The following IRX2 variants were observed in gnomAD, a reference collection of about 807,000 sequenced individuals.
IRX2 encodes the protein iroquois homeobox 2.
IRX2 carries 26 observed loss-of-function variants against 42.9 expected under a neutral mutation model. That is an observed-to-expected ratio of 0.61 (90% confidence interval 0.44 to 0.84). The LOEUF is 0.84. IRX2 is among the 40% of genes least tolerant of loss of function. The probability of loss-of-function intolerance (pLI) is 0.00; values close to 1 mark genes in which losing one functional copy is unlikely to be tolerated. For synonymous variants in IRX2, 424 were observed against 353.9 expected (o/e 1.20, Z -2.22); for missense variants, 782 against 713.9 (o/e 1.10, Z -1.09).
intron 2 of IRX2, 23 bp downstream of exon 2, chr5:2,749,359 T>A: frequency 6.4e-7 from 1 of 1,570,586 alleles, no homozygotes; most frequent in Non-Finnish European, 8.6e-7. Flanking sequence ...CCCGAGACCT[T>A]GCGCCGGCCG....
At chr5:2,742,628 T>C (rs1013285797), downstream of IRX2, among the ~76,000 whole-genome samples, 5 of 152,248 alleles carry the variant, frequency 3.3e-5, no homozygotes, top group African/African-American at 1.2e-4. Context: ...TATTTTAATT[T>C]TGAGTCTAAA....
intron 3 of IRX2, among the ~76,000 whole-genome samples, chr5:2,748,023 C>G (rs929132720): frequency 1.3e-5 from 2 of 152,224 alleles, no homozygotes; most frequent in African/African-American, 4.8e-5. Flanking sequence ...CACCGAAACA[C>G]ACCCAGGCTC....
downstream of IRX2, among the ~76,000 whole-genome samples, chr5:2,743,416 C>T (rs1737586047): frequency 6.6e-6 from 1 of 152,072 alleles, no homozygotes; most frequent in African/African-American, 2.4e-5. Flanking sequence ...TCGGCAGCCC[C>T]CGGCCCCCGG....
At chr5:2,742,634 CTAAA>C (rs1474076935), downstream of IRX2, among the ~76,000 whole-genome samples, 11 of 152,260 alleles carry the variant, frequency 7.2e-5, no homozygotes, top group South Asian at 1.7e-3. Flanking sequence ...AATTTTGAGT[CTAAA>C]TGAATGTTTT....
At chr5:2,742,252 G>T (rs1299994162), downstream of IRX2, among the ~76,000 whole-genome samples, 1 of 152,176 alleles carries the variant, frequency 6.6e-6, no homozygotes, top group Non-Finnish European at 1.5e-5. Context: ...GCATATTGTT[G>T]AAAACCAGAT....
chr5:2,737,657 A>C, the IRX2 span: 5 of 152,216 alleles, frequency 3.3e-5, no homozygotes, highest in African/African-American at 1.2e-4. Flanking sequence ...CAACTGTCCA[A>C]AGACAGGGCT....
At chr5:2,741,503 G>A (rs1428653658), downstream of IRX2, among the ~76,000 whole-genome samples, 1 of 152,152 alleles carries the variant, frequency 6.6e-6, no homozygotes, top group Non-Finnish European at 1.5e-5. Context: ...GTAGGGGTGA[G>A]TCTTGACTCT....
intron 3 of IRX2, 80 bp from the exon 4 acceptor site, chr5:2,747,696 C>A: frequency 7.1e-7 from 1 of 1,405,410 alleles, no homozygotes; most frequent in South Asian, 1.2e-5. Context: ...CCACCATCCT[C>A]CACTCCCAGG....
rs758150983 is a variant in IRX2, at chr5:2,747,583, C to T, written c.1397G>A (p.Gly466Asp). The change falls in exon 4 of 4, where the codon GGC becomes GAC. Residue 466 changes from glycine to aspartate, a missense_variant. Coordinates refer to ENST00000302057, the MANE Select transcript of IRX2 (RefSeq NM_033267.5). ...GCCCTTCTATAGGTAGGGCTGGACG[C>T]CCCCGCCAACCACGGTGCAGCCCTC... ...ASEGCTVVGG[G>D]VQPYL 1.2e-6 allele frequency: 2 copies of T among 1,613,996 alleles called. No homozygotes were observed. The highest frequency in any genetic ancestry group is 2.2e-5 in the East Asian group (1 of 44,882).
the IRX2 span, among the ~76,000 whole-genome samples, chr5:2,736,045 T>C: frequency 6.6e-6 from 1 of 152,176 alleles, no homozygotes; most frequent in Admixed American, 6.5e-5. Flanking sequence ...CTTGGCCTCC[T>C]CCCATCTGAA....
rs1372469897 is a variant in IRX2, at chr5:2,749,683, G to A, written c.354C>T (p.Arg118=). 2 of 1,614,200 alleles carry A rather than the reference G, an allele frequency of 1.2e-6. No homozygotes were observed. The highest frequency in any genetic ancestry group is 3.3e-5 in the Admixed American group (2 of 60,030). The change falls in exon 2 of 4, where the codon CGC becomes CGT. Residue 118 remains arginine, a synonymous_variant. Coordinates refer to ENST00000302057, the MANE Select transcript of IRX2 (RefSeq NM_033267.5). The part of the protein sequence containing the change: ...YPYQLNDPAY[R]KNATRDATAT... ...CCGTGGCGTCCCGCGTGGCGTTCTT[G>A]CGGTACGCGGGGTCGTTGAGCTGGT...
the IRX2 span, among the ~76,000 whole-genome samples, chr5:2,738,137 G>A: frequency 6.6e-6 from 1 of 152,224 alleles, no homozygotes; most frequent in African/African-American, 2.4e-5. Flanking sequence ...CTCCTGCAAA[G>A]TCTGTTTGTC....
chr5:2,750,582 G>A (rs1430959079), intron 1 of IRX2, among the ~76,000 whole-genome samples: 1 of 152,198 alleles, frequency 6.6e-6, no homozygotes, highest in Non-Finnish European at 1.5e-5. Context: ...GCGCCCGCAA[G>A]CACGATATTT....
At chr5:2,749,161 C>T in intron 2 of IRX2, 109 bp from the exon 3 acceptor site, 2 of 1,493,320 alleles carry the variant, frequency 1.3e-6, no homozygotes, top group Non-Finnish European at 1.8e-6. Context: ...GACCCCTCAC[C>T]TCGCCCCCAC....
At chr5:2,749,943 G>C (rs1269838884) in intron 1 of IRX2, among the ~76,000 whole-genome samples, 156 bp from the exon 2 acceptor site, 2 of 152,228 alleles carry the variant, frequency 1.3e-5, no homozygotes, top group African/African-American at 4.8e-5. Flanking sequence ...GAAAAACGCA[G>C]TGTGATTCGG....
chr5:2,750,376 G>A (rs1241304564), intron 1 of IRX2, among the ~76,000 whole-genome samples: 1 of 152,246 alleles, frequency 6.6e-6, no homozygotes, highest in Non-Finnish European at 1.5e-5. Context: ...CAGCGACTCG[G>A]TCGCTGCCCA....
chr5:2,747,669 C>T (rs1737723740), intron 3 of IRX2, 53 bp from the exon 4 acceptor site: 4 of 1,563,452 alleles, frequency 2.6e-6, no homozygotes, highest in South Asian at 2.2e-5. Context: ...CTGCTGGCTG[C>T]GCAGACCACC....
In IRX2 at chr5:2,749,730, ACG is replaced by A; in HGVS notation, c.305_306del (p.Pro102LeufsTer87). 6.2e-7 allele frequency: 1 copy of A among 1,613,606 alleles called. No individual in the cohort carries two copies. The highest frequency in any genetic ancestry group is 8.5e-7 in the Non-Finnish European group (1 of 1,179,876). ...TGGTACGGGTAGGCCGCGCTGCCGT[ACG>A]GGTGGTAGCTGATGGCGCCGGTCAT... ...TGMTGAISYHPYGSAAYPYQL... is the reference protein window; with the variant it reads ...TGMTGAISYHXYGSAAYPYQL... On this transcript the variant is annotated frameshift_variant, in exon 2 of 4. Transcript: ENST00000302057. LOFTEE classifies it high-confidence loss of function.
At chr5:2,748,079 T>G (rs1213639680) in intron 3 of IRX2, among the ~76,000 whole-genome samples, 1 of 152,150 alleles carries the variant, frequency 6.6e-6, no homozygotes, top group East Asian at 1.9e-4. Context: ...AATCTGGGTT[T>G]GCCGAAACTA....
Sources: allele counts gnomAD v4.1 joint callset (sites outside exome capture counted in the v4.1 genomes callset), GRCh38; gene constraint gnomAD v4.1.1; transcripts MANE v1.5; gene names NCBI Gene and HGNC (gene_info 2026-07-23, HGNC 2026-07-21).